Variants in PIGX observed in about 807,000 individuals in gnomAD.
The protein encoded by PIGX is phosphatidylinositol glycan anchor biosynthesis class X.
Under a neutral mutation model 28.7 loss-of-function variants are expected in PIGX, and 24 were observed. The observed-to-expected ratio is 0.84, with a 90% CI of 0.60 to 1.17. PIGX has a LOEUF of 1.17. Ranked by LOEUF, PIGX falls within the 50% of genes most tolerant of loss-of-function variation. The pLI, the probability that PIGX is intolerant of heterozygous loss-of-function variation, is 0.00. For synonymous variants in PIGX, 127 were observed against 121.0 expected, an observed-to-expected ratio of 1.05 and a Z score of -0.33; for missense variants, 305 against 317.8, an observed-to-expected ratio of 0.96 and a Z score of 0.31.
Position 196,733,619 on chromosome 3 carries a change from G to GC in PIGX, c.634-138dup. On this transcript the variant is annotated intron_variant, in intron 5 of 5. Transcript: ENST00000392391. This position sits in a 1 kb window ranked among gnomAD's most constrained non-coding sequence, Gnocchi z 4.3. ...TAGAGATGGTTTAGTAGAGATGTTG[G>GC]CCAGGCTGGTTTTGAACTCCTGACC... 1.6e-6 allele frequency: 1 copy of GC among 618,260 alleles called. No individual in the cohort carries two copies. The highest frequency in any genetic ancestry group is 2.9e-6 in the Non-Finnish European group (1 of 345,272). The allele number at this position is 618,260 out of a possible 1,614,324, so 38.3% of individuals were successfully genotyped here. A position where few individuals can be genotyped will look rare whatever the true frequency, so the allele number is the denominator to read the frequency against.
At chr3:196,713,107 G>T in intron 1 of PIGX, 1 of 985,036 alleles carries the variant, frequency 1.0e-6, no homozygotes, top group Non-Finnish European at 1.2e-6. Flanking sequence ...GCAAGTGCGG[G>T]AATAATTACA....
At chr3:196,713,523 T>C (rs915350977) in intron 1 of PIGX, among the ~76,000 whole-genome samples, 1 of 151,956 alleles carries the variant, frequency 6.6e-6, no homozygotes, top group Non-Finnish European at 1.5e-5. Context: ...GTCAAGCTGG[T>C]CTTGAACTCC....
chr3:196,730,940 C>A, intron 4 of PIGX, 52 bp from the exon 5 acceptor site: 1 of 1,060,674 alleles, frequency 9.4e-7, no homozygotes, highest in Non-Finnish European at 1.5e-6. Context: ...ACAAGCCTAG[C>A]TTTCAGTCCA....
At chr3:196,715,860 A>C (rs1712075230) in intron 1 of PIGX, among the ~76,000 whole-genome samples, 1 of 152,098 alleles carries the variant, frequency 6.6e-6, no homozygotes, top group South Asian at 2.1e-4. Context: ...GAGTCTTGCT[A>C]TGTTGTCCAG....
chr3:196,721,648 C>CT (rs1239357672), intron 2 of PIGX, among the ~76,000 whole-genome samples: 1 of 152,030 alleles, frequency 6.6e-6, no homozygotes, highest in Non-Finnish European at 1.5e-5. Flanking sequence ...ATTGCTTAGG[C>CT]TGGTCTCAAA....
intron 3 of PIGX, among the ~76,000 whole-genome samples, chr3:196,724,025 T>TG (rs984965072): frequency 1.3e-5 from 2 of 149,558 alleles, no homozygotes; most frequent in African/African-American, 2.4e-5. Flanking sequence ...ATTTAATGTT[T>TG]TTTTTTTTTT....
chr3:196,733,072 T>C lies in PIGX; in HGVS notation c.634-687T>C, dbSNP rs919434762. 1.3e-5 allele frequency among the ~76,000 whole-genome samples: 2 copies of C among 152,240 alleles called. No individual in the cohort carries two copies. The highest frequency in any genetic ancestry group is 2.4e-5 in the African/African-American group (1 of 41,462). ...CTCTAAGTCTTCAATTTAGAGAGAA[T>C]TCTGTATTCTAATTTGAAACATGGT... On this transcript the variant is annotated intron_variant, in intron 5 of 5. Coordinates refer to ENST00000392391, the MANE Select transcript of PIGX (RefSeq NM_017861.4). The surrounding 1 kb of genome is among the most constrained non-coding windows in gnomAD (Gnocchi z 4.3).
At chr3:196,725,522 A>G (rs559970532) in intron 3 of PIGX, among the ~76,000 whole-genome samples, 1 of 152,296 alleles carries the variant, frequency 6.6e-6, no homozygotes, top group Admixed American at 6.5e-5. Context: ...TAAAGTTGAG[A>G]TGCTGGGCAG....
intron 3 of PIGX, chr3:196,726,508 G>A: frequency 2.9e-6 from 1 of 340,912 alleles, no homozygotes; most frequent in South Asian, 2.3e-5. Context: ...GTGAGATAAG[G>A]CTGCCAAAAA....
At chr3:196,713,129 G>A (rs1490884927) in intron 1 of PIGX, 2 of 978,680 alleles carry the variant, frequency 2.0e-6, no homozygotes, top group African/African-American at 1.8e-5. Flanking sequence ...TAAAGGGTAA[G>A]GTTTGATGGG....
chr3:196,718,778 G>A (rs893011266), intron 2 of PIGX, among the ~76,000 whole-genome samples: 7 of 151,888 alleles, frequency 4.6e-5, no homozygotes, highest in Admixed American at 1.3e-4. Flanking sequence ...GTGTAGCATT[G>A]GTATTATTTA....
chr3:196,724,168 C>T (rs1164144414), intron 3 of PIGX, among the ~76,000 whole-genome samples: 1 of 151,954 alleles, frequency 6.6e-6, no homozygotes, highest in Admixed American at 6.6e-5. Context: ...GTGCATGCCA[C>T]CATGCCTGGC....
At chr3:196,730,817 C>T (rs1712721605) in intron 4 of PIGX, among the ~76,000 whole-genome samples, 175 bp from the exon 5 acceptor site, 2 of 146,258 alleles carry the variant, frequency 1.4e-5, no homozygotes, top group South Asian at 4.4e-4. Context: ...TTTCTAATTT[C>T]TTAGGCATTC....
In PIGX at chr3:196,734,753, T is replaced by C. The variant is rs1461482522; in HGVS notation, c.*851T>C. ...AATTATTGATTATTCCTTAACGCAC[T>C]CCATTCTCCTTTTACATTTTATCAT... On this transcript the variant is annotated 3_prime_UTR_variant, in exon 6 of 6. Coordinates refer to ENST00000392391, the MANE Select transcript of PIGX (RefSeq NM_017861.4). 3 of 152,192 alleles carry C rather than the reference T, an allele frequency of 2.0e-5. No individual in the cohort carries two copies. Among genetic ancestry groups the C allele is most frequent in the Non-Finnish European group, 4.4e-5 (3 of 68,036 alleles). 9.4% of individuals were successfully genotyped at this position (152,192 alleles called of 1,614,324 possible).
intron 2 of PIGX, chr3:196,717,767 G>A (rs1712159141): frequency 6.6e-6 from 1 of 152,140 alleles, no homozygotes; most frequent in Non-Finnish European, 1.5e-5. Flanking sequence ...GCCATCTCAA[G>A]TACTATGATA....
At chr3:196,727,521 T>C (rs564991385) in intron 3 of PIGX, among the ~76,000 whole-genome samples, 38 of 152,232 alleles carry the variant, frequency 2.5e-4, no homozygotes, top group Non-Finnish European at 5.0e-4. Flanking sequence ...GTCAGAATGA[T>C]ACCAATCATT....
intron 3 of PIGX, among the ~76,000 whole-genome samples, chr3:196,724,969 G>A (rs1712465619): frequency 4.6e-5 from 7 of 152,188 alleles, no homozygotes; most frequent in Admixed American, 3.3e-4. Context: ...GATTAAATGA[G>A]TGGTGTGCCA....
At chr3:196,726,403 C>T in intron 3 of PIGX, among the ~76,000 whole-genome samples, 1 of 152,136 alleles carries the variant, frequency 6.6e-6, no homozygotes, top group Non-Finnish European at 1.5e-5. Context: ...GAGTTTGAGG[C>T]TGCAGTGCAC....
At chr3:196,713,453 C>T (rs998318245) in intron 1 of PIGX, among the ~76,000 whole-genome samples, 3 of 151,726 alleles carry the variant, frequency 2.0e-5, no homozygotes, top group African/African-American at 7.3e-5. Flanking sequence ...TTACAGGTGC[C>T]CGCCACCATG....
Sources: allele counts gnomAD v4.1 joint callset (sites outside exome capture counted in the v4.1 genomes callset), GRCh38; gene constraint gnomAD v4.1.1; non-coding constraint Gnocchi (gnomAD v3.1); transcripts MANE v1.5; gene names NCBI Gene and HGNC (gene_info 2026-07-23, HGNC 2026-07-21).